LMNTD2: variants seen among roughly 807,000 people sequenced by gnomAD.
LMNTD2 encodes lamin tail domain-containing protein 2.
A neutral mutation model predicts 70.1 loss-of-function variants in LMNTD2; 83 were observed. That is an observed-to-expected ratio of 1.18 (90% CI 0.99 to 1.42). LMNTD2 has a LOEUF of 1.42. Ranked by LOEUF, LMNTD2 falls within the 40% of genes most tolerant of loss-of-function variation. The probability of loss-of-function intolerance (pLI) is 0.00; values close to 1 mark genes in which losing one functional copy is unlikely to be tolerated. For synonymous variants in LMNTD2, 534 were observed against 406.1 expected (o/e 1.31, Z -3.79); for missense variants, 1,153 against 905.9 (o/e 1.27, Z -3.50).
In LMNTD2 at chr11:555,888, G is replaced by A. The variant is rs1004067278; in HGVS notation, c.1420C>T (p.Pro474Ser). The change falls in exon 12 of 14, where the codon CCG (proline) becomes TCG (serine). Residue 474 changes from proline to serine, a missense_variant. Pro to Ser is a moderately conservative substitution (Grantham distance 74, BLOSUM62 -1). Coordinates refer to ENST00000329451, the MANE Select transcript of LMNTD2 (RefSeq NM_173573.3). ...HRIPRRETPA[P>S]RVFADGTDLS... ...TCGGTGCCGTCGGCGAAGACCCTCGGGGCCGGAGTCTCGCGGCGTGGGATC... is the reference window on the plus strand; with the variant it reads ...TCGGTGCCGTCGGCGAAGACCCTCGAGGCCGGAGTCTCGCGGCGTGGGATC... The A allele has an allele frequency of 1.3e-6, 2 of 1,566,798 alleles. No individual in the cohort carries two copies. Among genetic ancestry groups the A allele is most frequent in the Non-Finnish European group, 1.7e-6 (2 of 1,161,656 alleles).
At position 556,940 on chromosome 11, in the gene LMNTD2, C is replaced by G. The variant is rs980397980; in HGVS notation, c.871G>C (p.Gly291Arg). ...ADSDSSSCRP[G>R]LPSFVQVIGH... ...ATCACCTGCACGAAGGAAGGCAGGC[C>G]CGGCCGGCAGCTGCTGGAGTCGGAG... is the stretch of plus-strand genomic sequence containing the variant. The change falls in exon 8 of 14, where the codon GGC becomes CGC. Residue 291 changes from glycine (G) to arginine (R), a missense_variant. Transcript: ENST00000329451. The G allele has an allele frequency of 6.2e-7, 1 of 1,600,756 alleles. No homozygotes were observed. Among genetic ancestry groups the G allele is most frequent in the Non-Finnish European group, 8.5e-7 (1 of 1,177,626 alleles).
rs1170486526 is a variant in LMNTD2 at position 556,065 on chromosome 11, C to G, written c.1308G>C (p.Ser436=). ...RSAKKPLRAS[S]SREPVPLLSI... ...AGAGGAGGGGAACGGGCTCCCGGCT[C>G]GAGGACGCGCGCAGCGGCTTCTTGG... is the stretch of plus-strand genomic sequence containing the variant. Residue 436 remains serine, a synonymous_variant, in exon 11 of 14, where the codon TCG becomes TCC. Coordinates refer to ENST00000329451, the MANE Select transcript of LMNTD2 (RefSeq NM_173573.3). 11 of 1,545,786 alleles carry G rather than the reference C, an allele frequency of 7.1e-6. No individual in the cohort carries two copies. The highest frequency in any genetic ancestry group is 1.4e-5 in the African/African-American group (1 of 70,312).
rs943332404 is a variant in LMNTD2 at position 555,810 on chromosome 11, G to T, written c.1498C>A (p.Arg500Ser). 7.2e-6 allele frequency: 11 copies of T among 1,529,454 alleles called. No homozygotes were observed. The highest frequency in any genetic ancestry group is 9.6e-6 in the Non-Finnish European group (11 of 1,149,588). 94.7% of individuals were successfully genotyped at this position (1,529,454 alleles called of 1,614,324 possible). ...LPEAGPGADT[R>S]KPPRPPRPLR... ...GGTCGAGGTGGGCGCGGCGGCTTGC[G>T]GGTGTCGGCGCCGGGCCCGGCCTCA... The change falls in exon 12 of 14, where the codon CGC (arginine) becomes AGC (serine). Residue 500 changes from arginine (R) to serine (S), a missense_variant. Transcript: ENST00000329451.
chr11:560,386 G>T, intron 1 of LMNTD2: 1 of 1,209,746 alleles, frequency 8.3e-7, no homozygotes. Flanking sequence ...TAGAGTCCGG[G>T]CCTTCTGAGC....
Position 555,937 on chromosome 11 carries a change from G to A in LMNTD2, c.1378-7C>T, listed in dbSNP as rs768773261. ...TCCGGTGCTCACTGAGGACCTGCGG[G>A]GCGCGTCGGTCACCCCCACACCCCA... On this transcript the variant is annotated splice_polypyrimidine_tract_variant and splice_region_variant and intron_variant, in intron 11 of 13. Coordinates refer to ENST00000329451, the MANE Select transcript of LMNTD2 (RefSeq NM_173573.3). The A allele has an allele frequency of 2.8e-5, 43 of 1,557,306 alleles. 1 individual carries two copies. Among genetic ancestry groups the A allele is most frequent in the Non-Finnish European group, 3.7e-5 (43 of 1,159,742 alleles).
At chr11:559,740 G>A (rs1430495061) in intron 1 of LMNTD2, 1 of 1,066,420 alleles carries the variant, frequency 9.4e-7, no homozygotes, top group African/African-American at 1.6e-5. Context: ...GTACACTCCT[G>A]CCCACAGCCT....
chr11:555,435 G>A lies in LMNTD2; in HGVS notation c.1643C>T (p.Pro548Leu). The A allele has an allele frequency of 7.2e-7, 1 of 1,386,956 alleles. No individual in the cohort carries two copies. The highest frequency in any genetic ancestry group is 9.3e-7 in the Non-Finnish European group (1 of 1,076,780). 85.9% of individuals were successfully genotyped at this position (1,386,956 alleles called of 1,614,324 possible). ...LFHAREGPARPENPEIPAPQH... is the reference protein window; with the variant it reads ...LFHAREGPARLENPEIPAPQH... ...CGGCGCGGGGATCTCGGGGTTCTCGGGCCGCGCAGGCCCCTCCCGCGCGTG... is the reference window on the plus strand; with the variant it reads ...CGGCGCGGGGATCTCGGGGTTCTCGAGCCGCGCAGGCCCCTCCCGCGCGTG... Residue 548 changes from proline to leucine, a missense_variant, in exon 13 of 14, where the codon CCC becomes CTC. Transcript: ENST00000329451.
In LMNTD2 at chr11:556,905, C is replaced by T. The variant is rs772876919; in HGVS notation, c.906G>A (p.Pro302=). 7 of 1,594,544 alleles carry T rather than the reference C, an allele frequency of 4.4e-6. No homozygotes were observed. The Admixed American group carries it at 6.9e-5, about 16-fold the overall frequency. Residue 302 remains proline, a synonymous_variant, in exon 8 of 14, where the codon CCG becomes CCA. Transcript: ENST00000329451. ...LPSFVQVIGH[P]PRDHRASSEQ... ...CGGAGGAAGCGCGGTGGTCCCGGGG[C>T]GGGTGCCCTATCACCTGCACGAAGG...
intron 1 of LMNTD2, 94 bp from the exon 2 acceptor site, chr11:559,073 TG>T (rs763788712): frequency 7.8e-6 from 12 of 1,541,220 alleles, no homozygotes; most frequent in African/African-American, 5.5e-5. Context: ...CTGGGAGGGG[TG>T]GGGGGCCCGT....
chr11:556,466 G>C, intron 9 of LMNTD2, 26 bp downstream of exon 9: 3 of 1,549,432 alleles, frequency 1.9e-6, no homozygotes, highest in Non-Finnish European at 2.6e-6. Context: ...GTCCGGCGCC[G>C]GAGGCTTGGG....
At chr11:560,250 G>T (rs1415613295) in intron 1 of LMNTD2, 14 of 976,186 alleles carry the variant, frequency 1.4e-5, no homozygotes, top group Non-Finnish European at 1.7e-5. Flanking sequence ...TGACCGCGAG[G>T]CTGCGGGGCC....
chr11:558,583 G>T (rs780158245), intron 3 of LMNTD2, 31 bp downstream of exon 3: 1 of 1,581,012 alleles, frequency 6.3e-7, no homozygotes, highest in East Asian at 2.3e-5. Flanking sequence ...ACAGGGCGGG[G>T]TTGGGTTGGG....
chr11:557,150 C>A, intron 7 of LMNTD2, 53 bp from the exon 8 acceptor site: 1 of 1,513,948 alleles, frequency 6.6e-7, no homozygotes, highest in South Asian at 1.2e-5. Context: ...CCCAGCCCTG[C>A]CCCCGTCCAG....
rs1404024975 is a variant in LMNTD2 at position 557,441 on chromosome 11, T to C, written c.671A>G (p.Tyr224Cys). The change falls in exon 7 of 14, where the codon TAT (tyrosine) becomes TGT (cysteine). Residue 224 changes from tyrosine (Y) to cysteine (C), a missense_variant. By Grantham distance (194) the Tyr-to-Cys change is radical (BLOSUM62 -2). Coordinates refer to ENST00000329451, the MANE Select transcript of LMNTD2 (RefSeq NM_173573.3). Reference protein sequence around the residue: ...DVDWNSVARRYPNLFTNMEPS... With the variant: ...DVDWNSVARRCPNLFTNMEPS... ...CTCCATGTTGGTGAAGAGGTTGGGA[T>C]ACCGGCGGGCAACGCTGTTCCAATC... 1.9e-6 allele frequency: 3 copies of C among 1,608,984 alleles called. No homozygotes were observed. The highest frequency in any genetic ancestry group is 3.4e-5 in the Admixed American group (2 of 59,356).
rs149449830 is a variant in LMNTD2, at chr11:557,640, C to T, written c.556G>A (p.Val186Ile). Residue 186 changes from valine (V) to isoleucine (I), a missense_variant and splice_region_variant, in exon 6 of 14, where the codon GTA becomes ATA. By Grantham distance (29) the Val-to-Ile change is conservative. Transcript: ENST00000329451. Reference protein sequence around the residue: ...MLRSQTGSVEVVTAETLMDPS... With the variant: ...MLRSQTGSVEIVTAETLMDPS... ...TCCATCAGAGTCTCTGCCGTCACTACCTGCAAGAGGGGACCGGAAGCCAGT... is the reference window on the plus strand; with the variant it reads ...TCCATCAGAGTCTCTGCCGTCACTATCTGCAAGAGGGGACCGGAAGCCAGT... 2.0e-5 allele frequency: 33 copies of T among 1,612,996 alleles called. No individual in the cohort carries two copies. Among genetic ancestry groups the T allele is most frequent in the Non-Finnish European group, 2.6e-5 (31 of 1,179,874 alleles).
chr11:555,749 C>A lies in LMNTD2; in HGVS notation c.1559G>T (p.Ser520Ile). The change falls in exon 12 of 14, where the codon AGT (serine) becomes ATT (isoleucine). Residue 520 changes from serine to isoleucine, a missense_variant. Coordinates refer to ENST00000329451, the MANE Select transcript of LMNTD2 (RefSeq NM_173573.3). ...RKGRVREPRV[S>I]RRRPGTRGLL... is the part of the protein sequence containing the mutation. The stretch of plus-strand genomic sequence containing the variant: ...CGGTCCCCACCCTGGTCTCCGGCGA[C>A]TGACCCGGGGCTCCCGCACCCGGCC... 1 of 1,419,918 alleles carries A rather than the reference C, an allele frequency of 7.0e-7. No individual in the cohort carries two copies. Among genetic ancestry groups the A allele is most frequent in the South Asian group, 1.5e-5 (1 of 66,194 alleles). The allele number at this position is 1,419,918 out of a possible 1,614,324, so 88.0% of individuals were successfully genotyped here.
rs755927564 is a variant in LMNTD2, at chr11:555,078, G to A, written c.1807C>T (p.Leu603=). The A allele has an allele frequency of 1.9e-6, 3 of 1,577,428 alleles. No individual in the cohort carries two copies. The highest frequency in any genetic ancestry group is 2.6e-6 in the Non-Finnish European group (3 of 1,165,632). ...CRKSVDRSCP[L]VALSVQNTAE... ...GTGTTCTGCACCGACAGGGCCACCA[G>A]GGGGCAGCTACGGTCCACGCTCTTC... The change falls in exon 14 of 14, where the codon CTG becomes TTG. Residue 603 remains leucine, a synonymous_variant. Coordinates refer to ENST00000329451, the MANE Select transcript of LMNTD2 (RefSeq NM_173573.3).
chr11:559,451 A>C lies in LMNTD2; in HGVS notation c.35-472T>G, dbSNP rs775398884. ...GGGCTGTTTGTTACCAGGAGCCTCC[A>C]GGGAGACCCCAGACCAGGCCCCTAG... On this transcript the variant is annotated intron_variant, in intron 1 of 13. Coordinates refer to ENST00000329451, the MANE Select transcript of LMNTD2 (RefSeq NM_173573.3). The C allele has an allele frequency of 3.8e-6, 5 of 1,304,658 alleles. No individual in the cohort carries two copies. The South Asian group carries it at 6.2e-5, about 16-fold the overall frequency. The allele number at this position is 1,304,658 out of a possible 1,614,324, so 80.8% of individuals were successfully genotyped here.
At chr11:558,130 AC>A in intron 4 of LMNTD2, 30 bp downstream of exon 4, 1 of 1,611,238 alleles carries the variant, frequency 6.2e-7, no homozygotes, top group Non-Finnish European at 8.5e-7. Context: ...CAACACCAGG[AC>A]CCTGCCCACT....
Sources: gnomAD v4.1 joint callset for allele counts on GRCh38, gnomAD v4.1.1 for gene constraint, MANE v1.5 for transcripts, NCBI Gene and HGNC (gene_info 2026-07-23, HGNC 2026-07-21) for gene names.